The following CEP112 variants were observed in gnomAD, a reference collection of about 807,000 sequenced individuals.
CEP112 encodes the protein centrosomal protein 112, also known as centrosomal protein of 112 kDa.
CEP112 carries 127 observed loss-of-function variants against 153.0 expected under a neutral mutation model. The ratio of observed to expected loss-of-function variants is 0.83; its 90% confidence interval spans 0.72 to 0.96. The LOEUF is 0.96. Ranked by LOEUF, CEP112 falls within the 40% of genes least tolerant of loss-of-function variation. CEP112 has a pLI of 0.00. For missense variants in CEP112, 1,089 were observed against 1,101.2 expected (o/e 0.99, Z 0.16); for synonymous variants, 358 against 374.4 (o/e 0.96, Z 0.51).
intron 21 of CEP112, among the ~76,000 whole-genome samples, chr17:65,753,201 C>A (rs1053158649): frequency 6.6e-6 from 1 of 152,178 alleles, no homozygotes; most frequent in African/African-American, 2.4e-5. Context: ...TCCAGGCTCA[C>A]CTCTATGGTA....
At chr17:65,840,490 T>C (rs1029968611) in intron 21 of CEP112, among the ~76,000 whole-genome samples, 1 of 152,046 alleles carries the variant, frequency 6.6e-6, no homozygotes, top group African/African-American at 2.4e-5. Context: ...TCTCACCATA[T>C]ACAAAAATTG....
intron 23 of CEP112, among the ~76,000 whole-genome samples, chr17:65,701,885 T>A (rs1033001159): frequency 4.7e-5 from 7 of 150,532 alleles, no homozygotes; most frequent in Admixed American, 4.6e-4. Context: ...TCCTTCAACT[T>A]CTTTTTTTTT....
At chr17:65,801,949 T>G (rs2055305766) in intron 21 of CEP112, among the ~76,000 whole-genome samples, 1 of 152,178 alleles carries the variant, frequency 6.6e-6, no homozygotes, top group Non-Finnish European at 1.5e-5. Flanking sequence ...ACTGGACATT[T>G]TCAATATTTT....
chr17:66,009,372 C>A (rs1194440448), intron 16 of CEP112, among the ~76,000 whole-genome samples: 1 of 152,098 alleles, frequency 6.6e-6, no homozygotes, highest in African/African-American at 2.4e-5. Context: ...CTATTCAAGT[C>A]CTTGGCCCAT....
At chr17:66,012,436 C>A (rs1007720680) in intron 16 of CEP112, among the ~76,000 whole-genome samples, 1 of 152,150 alleles carries the variant, frequency 6.6e-6, no homozygotes, top group East Asian at 1.9e-4. Context: ...GTAATGAAAT[C>A]GCTTAGCATT....
chr17:65,936,950 C>A (rs8082591), intron 18 of CEP112, among the ~76,000 whole-genome samples: 6 of 151,162 alleles, frequency 4.0e-5, no homozygotes, highest in African/African-American at 9.7e-5. Flanking sequence ...CGAGTGCCTG[C>A]GATTGCAGGC....
At chr17:65,737,911 C>T (rs1047224528) in intron 23 of CEP112, among the ~76,000 whole-genome samples, 3 of 152,202 alleles carry the variant, frequency 2.0e-5, no homozygotes, top group African/African-American at 4.8e-5. Context: ...CAGTCTATGT[C>T]TGTTGGTCTG....
At chr17:66,038,468 A>G (rs1568416501) in intron 12 of CEP112, among the ~76,000 whole-genome samples, 1 of 152,244 alleles carries the variant, frequency 6.6e-6, no homozygotes, top group Non-Finnish European at 1.5e-5. Flanking sequence ...GCATATATAA[A>G]GTATCTTAAA....
At chr17:65,956,302 G>A (rs988050387) in intron 18 of CEP112, among the ~76,000 whole-genome samples, 3 of 151,896 alleles carry the variant, frequency 2.0e-5, no homozygotes, top group Admixed American at 6.6e-5. Flanking sequence ...ACTTGCACAT[G>A]CATGTTTATA....
intron 4 of CEP112, among the ~76,000 whole-genome samples, chr17:66,156,227 G>A (rs1012512058): frequency 1.2e-4 from 19 of 152,148 alleles, no homozygotes; most frequent in Admixed American, 3.3e-4. Context: ...CTCCACTGGC[G>A]ATACCCAGGC....
intron 17 of CEP112, among the ~76,000 whole-genome samples, chr17:65,971,119 G>A (rs1169678769): frequency 6.6e-6 from 1 of 152,036 alleles, no homozygotes; most frequent in Non-Finnish European, 1.5e-5. Context: ...TGTTCCTTGC[G>A]TGTATGAGAT....
chr17:66,085,658 T>C (rs1193710619), intron 8 of CEP112, among the ~76,000 whole-genome samples: 1 of 152,034 alleles, frequency 6.6e-6, no homozygotes, highest in African/African-American at 2.4e-5. Context: ...ATGGAAAAAA[T>C]CATCAGAATA....
chr17:65,951,274 C>T (rs181788683), intron 18 of CEP112, among the ~76,000 whole-genome samples: 1 of 152,210 alleles, frequency 6.6e-6, no homozygotes, highest in African/African-American at 2.4e-5. Flanking sequence ...TTCCTTCTTC[C>T]TCAATATTCT....
rs1320520389 is a variant in CEP112 at position 65,852,412 on chromosome 17, CCCTCCCTT to C, written c.2164-386_2164-379del. 4.5e-4 allele frequency among the ~76,000 whole-genome samples: 8 copies of C among 17,910 alleles called. 1 individual carries two copies. In the East Asian group the frequency reaches 8.4e-3, roughly 19 times the overall value. The allele number at this position is 17,910 out of a possible 152,430, so 11.7% of individuals were successfully genotyped here. On this transcript the variant is annotated intron_variant, in intron 20 of 26. Coordinates refer to ENST00000535342, the MANE Select transcript of CEP112 (RefSeq NM_001199165.4). ...CTCCCTCCCTTCCCTCTCCCTCCCT[CCCTCCCTT>C]CCTTCCTTCCCTCCCTTTCCTTCCT...
intron 17 of CEP112, among the ~76,000 whole-genome samples, chr17:66,002,746 A>C (rs1861747): frequency 3.3e-5 from 5 of 152,068 alleles, no homozygotes; most frequent in East Asian, 1.9e-4. Flanking sequence ...TATATATCCC[A>C]GTTTTCTCTG....
intron 6 of CEP112, among the ~76,000 whole-genome samples, chr17:66,100,260 C>T (rs978263105): frequency 6.6e-5 from 10 of 151,448 alleles, no homozygotes; most frequent in African/African-American, 2.2e-4. Context: ...ATTAGATGGG[C>T]GTGGTGGTGG....
chr17:65,674,784 A>G (rs1317861091), intron 24 of CEP112, among the ~76,000 whole-genome samples: 4 of 152,350 alleles, frequency 2.6e-5, no homozygotes, highest in African/African-American at 9.6e-5. Flanking sequence ...TTGTTTCTAT[A>G]AATTTTCATA....
At chr17:65,804,796 A>T (rs2055493452) in intron 21 of CEP112, among the ~76,000 whole-genome samples, 1 of 152,172 alleles carries the variant, frequency 6.6e-6, no homozygotes, top group African/African-American at 2.4e-5. Context: ...TGATATTAAC[A>T]ATATTAAATA....
intron 24 of CEP112, among the ~76,000 whole-genome samples, chr17:65,645,247 T>A (rs577665920): frequency 1.3e-5 from 2 of 152,246 alleles, no homozygotes; most frequent in South Asian, 4.1e-4. Flanking sequence ...CATATCATTT[T>A]ATTTTGAGAC....
Sources: allele counts gnomAD v4.1 joint callset (sites outside exome capture counted in the v4.1 genomes callset), GRCh38; gene constraint gnomAD v4.1.1; transcripts MANE v1.5; gene names NCBI Gene and HGNC (gene_info 2026-07-23, HGNC 2026-07-21).